The following DMD variants were observed in gnomAD, a reference collection of about 807,000 sequenced individuals.
The protein encoded by DMD is mutant dystrophin.
DMD carries 63 observed loss-of-function variants against 330.1 expected under a neutral mutation model. The observed-to-expected ratio is 0.19, with a 90% CI of 0.16 to 0.24. The LOEUF is 0.24. Among genes scored for constraint, DMD ranks in the 10% least tolerant of loss-of-function variants. The pLI, the probability that DMD is intolerant of heterozygous loss-of-function variation, is 1.00. For missense variants in DMD, 3,344 were observed against 2,684.1 expected (o/e 1.25, Z -5.43); for synonymous variants, 1,223 against 959.8 (o/e 1.27, Z -5.07).
chrX:31,424,315 G>A (rs1294338291), intron 60 of DMD, among the ~76,000 whole-genome samples: 1 of 111,756 alleles, frequency 8.9e-6, no homozygotes, highest in African/African-American at 3.2e-5. Context: ...TTTGCCCCAG[G>A]GAAGGGAAAT....
At chrX:32,525,705 C>G (rs1367279582) in intron 17 of DMD, among the ~76,000 whole-genome samples, 1 of 111,412 alleles carries the variant, frequency 9.0e-6, no homozygotes, top group Non-Finnish European at 1.9e-5. Flanking sequence ...ACAGACACCT[C>G]TGATTTAAAT....
intron 62 of DMD, among the ~76,000 whole-genome samples, chrX:31,306,101 T>A (rs1451914664): frequency 9.0e-6 from 1 of 111,669 alleles, no homozygotes; most frequent in African/African-American, 3.2e-5. Flanking sequence ...AAATAATACA[T>A]GAAACTTGGA....
chrX:33,027,240 G>A (rs1387711306), intron 1 of DMD, among the ~76,000 whole-genome samples: 2 of 112,100 alleles, frequency 1.8e-5, no homozygotes, highest in African/African-American at 3.2e-5. Flanking sequence ...TGGCATAAGG[G>A]GAGAATTAGA....
chrX:32,185,296 A>G (rs888822872), intron 44 of DMD, among the ~76,000 whole-genome samples: 1 of 111,372 alleles, frequency 9.0e-6, no homozygotes, highest in Non-Finnish European at 1.9e-5. Context: ...ACAGTGATTT[A>G]GAAACAACAT....
intron 7 of DMD, among the ~76,000 whole-genome samples, chrX:32,763,433 A>G (rs2072577090): frequency 8.9e-6 from 1 of 111,819 alleles, no homozygotes; most frequent in Non-Finnish European, 1.9e-5. Context: ...GATAAACTGT[A>G]GATAGTGTCA....
At chrX:31,122,040 A>T in intron 78 of DMD, 110 bp from the exon 79 acceptor site, 3 of 611,072 alleles carry the variant, frequency 4.9e-6, no homozygotes, top group Non-Finnish European at 5.5e-6. Context: ...GGTGAAGACA[A>T]CACAGAAGCT....
chrX:31,342,094 C>T (rs1439348941), intron 61 of DMD, among the ~76,000 whole-genome samples: 2 of 111,277 alleles, frequency 1.8e-5, no homozygotes, highest in African/African-American at 6.5e-5. Context: ...TGAGCCACAC[C>T]TCAGAGTTTG....
chrX:31,431,382 T>G (rs12689987), intron 60 of DMD, among the ~76,000 whole-genome samples: 22,267 of 110,647 alleles, frequency 0.2, 2,369 homozygotes, highest in East Asian at 0.4. Context: ...AAATTATTAT[T>G]ATGATGATGA....
At chrX:33,112,290 A>C (rs1474691154) in intron 1 of DMD, among the ~76,000 whole-genome samples, 2 of 111,462 alleles carry the variant, frequency 1.8e-5, no homozygotes, top group African/African-American at 6.5e-5. Context: ...TAAGAAACAT[A>C]ATATATACAT....
intron 1 of DMD, among the ~76,000 whole-genome samples, chrX:33,120,971 T>C (rs1280153389): frequency 9.2e-6 from 1 of 108,321 alleles, no homozygotes; most frequent in African/African-American, 3.4e-5. Flanking sequence ...AGTCCAACCC[T>C]ATTATGTGAA....
intron 55 of DMD, among the ~76,000 whole-genome samples, chrX:31,544,853 G>A (rs1421209994): frequency 2.7e-5 from 3 of 111,116 alleles, no homozygotes; most frequent in Non-Finnish European, 3.8e-5. Flanking sequence ...AGCAGGTTTC[G>A]GGTTCTCAGA....
intron 7 of DMD, among the ~76,000 whole-genome samples, chrX:32,775,182 G>A (rs748988065): frequency 2.3e-4 from 26 of 112,660 alleles, no homozygotes; most frequent in East Asian, 8.5e-4. Context: ...ACAGCTCCAC[G>A]CCTGTGGCTC....
intron 1 of DMD, among the ~76,000 whole-genome samples, chrX:33,306,085 G>A (rs1219233356): frequency 9.0e-6 from 1 of 111,601 alleles, no homozygotes; most frequent in Admixed American, 9.6e-5. Flanking sequence ...TTTCTGACTG[G>A]CACTTTTTAG....
At chrX:32,418,292 A>G (rs1036730680) in intron 29 of DMD, among the ~76,000 whole-genome samples, 15 of 111,425 alleles carry the variant, frequency 1.3e-4, no homozygotes, top group African/African-American at 4.2e-4. Flanking sequence ...AAGGCAAAGG[A>G]GAATGATAGA....
At chrX:33,310,544 G>A (rs186634322) in intron 1 of DMD, among the ~76,000 whole-genome samples, 1,255 of 110,736 alleles carry the variant, frequency 0.011, 9 homozygotes, top group Non-Finnish European at 0.018. Flanking sequence ...AGAGAAGTTC[G>A]CTTCTTTAAA....
chrX:32,411,104 T>G (rs2098139940), intron 30 of DMD, among the ~76,000 whole-genome samples: 1 of 111,723 alleles, frequency 9.0e-6, no homozygotes, highest in Non-Finnish European at 1.9e-5. Flanking sequence ...TGTTTGAGAC[T>G]GCTTTCCAAC....
intron 53 of DMD, 124 bp downstream of exon 53, chrX:31,679,251 T>G: frequency 1.5e-6 from 1 of 657,034 alleles, no homozygotes; most frequent in Middle Eastern, 3.9e-4. Context: ...CTACTGTTCA[T>G]TTCAGCTTTA....
chrX:32,166,851 T>C (rs1481625157), intron 44 of DMD, among the ~76,000 whole-genome samples: 1 of 112,297 alleles, frequency 8.9e-6, no homozygotes, highest in African/African-American at 3.2e-5. Flanking sequence ...CTGCTGCTTC[T>C]GTGATACAAA....
intron 1 of DMD, among the ~76,000 whole-genome samples, chrX:33,182,230 T>A (rs182891464): frequency 9.1e-6 from 1 of 110,426 alleles, no homozygotes; most frequent in Non-Finnish European, 1.9e-5. Flanking sequence ...AGATGTTGCC[T>A]TTTTTTATAT....
Sources: allele counts gnomAD v4.1 joint callset (sites outside exome capture counted in the v4.1 genomes callset), GRCh38; gene constraint gnomAD v4.1.1; transcripts MANE v1.5; gene names NCBI Gene and HGNC (gene_info 2026-07-23, HGNC 2026-07-21).